The following VDAC1 variants were observed in gnomAD, a reference collection of about 807,000 sequenced individuals.
VDAC1 encodes voltage dependent anion channel 1, also known as non-selective voltage-gated ion channel VDAC1.
Under a neutral mutation model 34.7 loss-of-function variants are expected in VDAC1, and 10 were observed. That is an observed-to-expected ratio of 0.29 (90% CI 0.18 to 0.49). The LOEUF is 0.49. VDAC1 is among the 20% of genes least tolerant of loss of function. The pLI is 0.99. For synonymous variants in VDAC1, 130 were observed against 136.0 expected (o/e 0.96, Z 0.30); for missense variants, 230 against 347.9 (o/e 0.66, Z 2.69).
chr5:133,980,875 C>A lies in VDAC1; in HGVS notation c.405G>T (p.Gly135=). 1.9e-6 allele frequency: 3 copies of A among 1,613,954 alleles called. No homozygotes were observed. In the East Asian group the frequency reaches 6.7e-5, roughly 36 times the overall value. ...LGCDMDFDIA[G]PSIRGALVLG... is the part of the protein sequence containing the mutation. ...GCACCAGAGCACCCCGGATGGAAGG[C>A]CCAGCAATGTCGAAATCCATGTCGC... The change falls in exon 6 of 9, where the codon GGG becomes GGT. Residue 135 remains glycine (G), a synonymous_variant. Transcript: ENST00000265333.
the VDAC1 span, among the ~76,000 whole-genome samples, chr5:134,079,421 G>C: frequency 6.6e-6 from 1 of 152,230 alleles, no homozygotes; most frequent in African/African-American, 2.4e-5. Context: ...AGAGCAGAGG[G>C]AGGAGCGGGA....
chr5:134,086,960 C>T, the VDAC1 span, among the ~76,000 whole-genome samples: 1 of 152,134 alleles, frequency 6.6e-6, no homozygotes, highest in Non-Finnish European at 1.5e-5. Flanking sequence ...CAACATCAAA[C>T]CTGAAGGTTT....
At chr5:133,997,785 C>T (rs1167078809) in intron 1 of VDAC1, among the ~76,000 whole-genome samples, 14 of 145,618 alleles carry the variant, frequency 9.6e-5, no homozygotes, top group Admixed American at 8.3e-4. Flanking sequence ...CTACGATAGC[C>T]GTGCGCAGTG....
At chr5:133,992,153 T>G (rs1455024358) in intron 3 of VDAC1, among the ~76,000 whole-genome samples, 153 bp downstream of exon 3, 1 of 152,068 alleles carries the variant, frequency 6.6e-6, no homozygotes. Context: ...GGAGAATCGC[T>G]TGAACCCAAG....
the VDAC1 span, among the ~76,000 whole-genome samples, chr5:134,011,800 C>T: frequency 0.017 from 2,520 of 152,056 alleles, 59 homozygotes; most frequent in African/African-American, 0.057. Flanking sequence ...CCACCAGGCC[C>T]GGCTAATTTC....
intron 1 of VDAC1, among the ~76,000 whole-genome samples, chr5:133,994,107 T>C (rs185163480): frequency 6.6e-6 from 1 of 152,340 alleles, no homozygotes. Flanking sequence ...GTATATATAT[T>C]CACACAAATA....
chr5:134,090,521 C>T, the VDAC1 span, among the ~76,000 whole-genome samples: 1 of 152,160 alleles, frequency 6.6e-6, no homozygotes, highest in Non-Finnish European at 1.5e-5. Context: ...TCCCCACAAC[C>T]ATGAAATGCT....
the VDAC1 span, among the ~76,000 whole-genome samples, chr5:134,021,903 A>G: frequency 3.1e-5 from 4 of 129,480 alleles, no homozygotes; most frequent in South Asian, 2.4e-4. Context: ...TTTGAGACGG[A>G]GTCTCACTCT....
the VDAC1 span, among the ~76,000 whole-genome samples, chr5:134,056,226 A>G: frequency 1.5e-5 from 2 of 136,240 alleles, no homozygotes; most frequent in African/African-American, 5.8e-5. Flanking sequence ...AGGCGACAAC[A>G]GTGAAACTCC....
At chr5:134,083,814 A>G in the VDAC1 span, among the ~76,000 whole-genome samples, 1 of 152,252 alleles carries the variant, frequency 6.6e-6, no homozygotes. Flanking sequence ...ACAGACACTT[A>G]GCAGAGGCTG....
chr5:133,980,653 A>AC (rs1554090880), intron 6 of VDAC1, 76 bp downstream of exon 6: 607 of 952,820 alleles, frequency 6.4e-4, no homozygotes, highest in Non-Finnish European at 7.8e-4. Context: ...AAAAAAAAAA[A>AC]CAGTGAAAAG....
At chr5:134,038,942 G>C in the VDAC1 span, among the ~76,000 whole-genome samples, 1 of 151,676 alleles carries the variant, frequency 6.6e-6, no homozygotes, top group South Asian at 2.1e-4. Context: ...GGCCCATAGA[G>C]GGCCCATGGA....
chr5:134,099,154 C>T, the VDAC1 span, among the ~76,000 whole-genome samples: 2 of 152,188 alleles, frequency 1.3e-5, no homozygotes, highest in African/African-American at 4.8e-5. Flanking sequence ...TACCAGCTCA[C>T]AGCCTGTGTG....
intron 1 of VDAC1, among the ~76,000 whole-genome samples, chr5:134,000,340 T>G (rs1753497007): frequency 6.6e-6 from 1 of 152,196 alleles, no homozygotes; most frequent in Non-Finnish European, 1.5e-5. Context: ...TGAAACACCC[T>G]GGCAGCTGGG....
the VDAC1 span, among the ~76,000 whole-genome samples, chr5:134,060,011 C>T: frequency 2.0e-5 from 3 of 151,804 alleles, no homozygotes; most frequent in Admixed American, 2.0e-4. Context: ...CTTCTGCACC[C>T]TGCACGCCCT....
At chr5:134,045,702 T>C in the VDAC1 span, among the ~76,000 whole-genome samples, 4 of 150,808 alleles carry the variant, frequency 2.7e-5, no homozygotes, top group African/African-American at 9.7e-5. Context: ...TGAGATGGGG[T>C]TTCACTCTTG....
intron 1 of VDAC1, among the ~76,000 whole-genome samples, chr5:133,996,516 A>G (rs2126998103): frequency 6.6e-6 from 1 of 152,118 alleles, no homozygotes; most frequent in Middle Eastern, 3.4e-3. Flanking sequence ...TTGGCTCATC[A>G]GCTGAATGGC....
the VDAC1 span, among the ~76,000 whole-genome samples, chr5:134,095,330 A>T: frequency 6.6e-6 from 1 of 151,688 alleles, no homozygotes; most frequent in Non-Finnish European, 1.5e-5. Flanking sequence ...AAAAATTTTT[A>T]AAATTAGCTG....
chr5:134,000,300 A>T (rs1753495260), intron 1 of VDAC1, among the ~76,000 whole-genome samples: 1 of 152,190 alleles, frequency 6.6e-6, no homozygotes, highest in African/African-American at 2.4e-5. Flanking sequence ...CGCAGTGGGC[A>T]GTAGAGCTTT....
Sources: allele counts gnomAD v4.1 joint callset (sites outside exome capture counted in the v4.1 genomes callset), GRCh38; gene constraint gnomAD v4.1.1; transcripts MANE v1.5; gene names NCBI Gene and HGNC (gene_info 2026-07-23, HGNC 2026-07-21).